Variants in BNC2 observed in about 807,000 individuals in gnomAD.
The protein encoded by BNC2 is zinc finger protein basonuclin-2.
BNC2 carries 20 observed loss-of-function variants against 76.3 expected under a neutral mutation model. The ratio of observed to expected loss-of-function variants is 0.26; its 90% CI spans 0.18 to 0.38. The LOEUF is 0.38. BNC2 is among the 10% of genes least tolerant of loss of function. The pLI is 1.00. For missense variants in BNC2, 1,382 were observed against 1,399.8 expected (o/e 0.99, Z 0.20); for synonymous variants, 582 against 514.8 (o/e 1.13, Z -1.77).
chr9:16,427,590 T>C (rs777627416), intron 6 of BNC2, among the ~76,000 whole-genome samples: 82 of 152,248 alleles, frequency 5.4e-4, no homozygotes, highest in Admixed American at 5.2e-4. Flanking sequence ...AATCAAAATT[T>C]AGAAACTAAT....
chr9:16,725,348 G>A (rs1439736891), intron 3 of BNC2, among the ~76,000 whole-genome samples: 2 of 149,978 alleles, frequency 1.3e-5, no homozygotes, highest in Admixed American at 6.6e-5. Context: ...TTGAACTTAA[G>A]TTATGTAATA....
chr9:16,711,668 T>A (rs887320745), intron 3 of BNC2, among the ~76,000 whole-genome samples: 1 of 152,224 alleles, frequency 6.6e-6, no homozygotes, highest in African/African-American at 2.4e-5. Context: ...GATTGTTGAA[T>A]TACTGAAATG....
intron 3 of BNC2, among the ~76,000 whole-genome samples, chr9:16,696,173 C>A (rs1823332124): frequency 6.6e-6 from 1 of 152,066 alleles, no homozygotes; most frequent in South Asian, 2.1e-4. Flanking sequence ...TGCTATACAC[C>A]ACCCCTCCAA....
At chr9:16,445,823 T>C (rs1482002097) in intron 5 of BNC2, among the ~76,000 whole-genome samples, 4 of 152,218 alleles carry the variant, frequency 2.6e-5, no homozygotes, top group Non-Finnish European at 2.9e-5. Flanking sequence ...ACATTAGAGA[T>C]AGGTGTATAC....
chr9:16,453,614 C>T (rs941470074), intron 5 of BNC2, among the ~76,000 whole-genome samples: 1 of 152,156 alleles, frequency 6.6e-6, no homozygotes, highest in African/African-American at 2.4e-5. Context: ...GGTGCTTTTT[C>T]TAAAGTGCAC....
At chr9:16,423,524 T>C (rs1247679052) in intron 6 of BNC2, among the ~76,000 whole-genome samples, 1 of 152,220 alleles carries the variant, frequency 6.6e-6, no homozygotes, top group Non-Finnish European at 1.5e-5. Context: ...CTCAATCTTA[T>C]GTGTCCTGCA....
intron 3 of BNC2, chr9:16,625,926 G>C (rs1820981770): frequency 6.6e-6 from 1 of 152,234 alleles, no homozygotes; most frequent in African/African-American, 2.4e-5. Context: ...AGTGGAGAAT[G>C]TCTAGCACCT....
chr9:16,417,480 G>GA lies in BNC2; in HGVS notation c.*1508dup, dbSNP rs1311149710. On this transcript the variant is annotated 3_prime_UTR_variant, in exon 7 of 7. Coordinates refer to ENST00000380672, the MANE Select transcript of BNC2 (RefSeq NM_017637.6). ...AAAACCCCCTTCTTCTGGCTTTTCA[G>GA]AAAGGAGTGTTGCTCCATTCAAGTT... The GA allele has an allele frequency of 1.3e-5, 2 of 152,174 alleles. No homozygotes were observed. Among genetic ancestry groups the GA allele is most frequent in the African/African-American group, 4.8e-5 (2 of 41,432 alleles). The allele number at this position is 152,174 out of a possible 1,614,324, so 9.4% of individuals were successfully genotyped here. A position where few individuals can be genotyped will look rare whatever the true frequency, so the allele number is the denominator to read the frequency against.
chr9:16,489,983 A>G (rs1927633), intron 5 of BNC2, among the ~76,000 whole-genome samples: 52,008 of 152,022 alleles, frequency 0.34, 9,582 homozygotes, highest in African/African-American at 0.5. Flanking sequence ...TCCTTCCCTC[A>G]AAAAATTTTT....
At chr9:16,684,631 A>C (rs552244995) in intron 3 of BNC2, among the ~76,000 whole-genome samples, 1 of 152,248 alleles carries the variant, frequency 6.6e-6, no homozygotes, top group African/African-American at 2.4e-5. Flanking sequence ...TCATCTTATA[A>C]GCCTGAAAAT....
intron 1 of BNC2, among the ~76,000 whole-genome samples, chr9:16,777,239 A>G (rs908380428): frequency 1.3e-5 from 2 of 152,190 alleles, no homozygotes; most frequent in Non-Finnish European, 2.9e-5. Flanking sequence ...GCCAAGGTAA[A>G]TGGATGTGGG....
intron 1 of BNC2, among the ~76,000 whole-genome samples, chr9:16,833,335 C>T (rs2136038891): frequency 6.6e-6 from 1 of 152,238 alleles, no homozygotes; most frequent in Middle Eastern, 3.4e-3. Flanking sequence ...AAGCATTTTA[C>T]CAGGATCGTC....
intron 4 of BNC2, among the ~76,000 whole-genome samples, chr9:16,555,664 G>T (rs561797789): frequency 6.6e-6 from 1 of 152,128 alleles, no homozygotes; most frequent in East Asian, 1.9e-4. Context: ...ACATGGTGGC[G>T]CCCACCTGTG....
intron 5 of BNC2, among the ~76,000 whole-genome samples, chr9:16,508,789 C>T (rs1431224063): frequency 1.3e-5 from 2 of 151,132 alleles, no homozygotes; most frequent in Non-Finnish European, 2.9e-5. Context: ...TACTTCTCTA[C>T]TCTTTCCCTC....
chr9:16,612,130 T>C (rs751503326), intron 3 of BNC2, among the ~76,000 whole-genome samples: 19 of 151,198 alleles, frequency 1.3e-4, no homozygotes, highest in Non-Finnish European at 2.7e-4. Flanking sequence ...CAACAAAGTG[T>C]TATATGCAAT....
chr9:16,828,041 A>G (rs1019238094), intron 1 of BNC2, among the ~76,000 whole-genome samples: 4 of 152,232 alleles, frequency 2.6e-5, no homozygotes, highest in African/African-American at 9.6e-5. Context: ...TCTCAGGTCT[A>G]AATTTCCATG....
intron 1 of BNC2, among the ~76,000 whole-genome samples, chr9:16,818,931 C>G (rs1264130118): frequency 6.6e-6 from 1 of 152,114 alleles, no homozygotes. Context: ...TTCTTACATC[C>G]TATCTTAACA....
intron 1 of BNC2, among the ~76,000 whole-genome samples, chr9:16,806,227 G>A (rs1563951633): frequency 6.6e-6 from 1 of 152,182 alleles, no homozygotes; most frequent in Non-Finnish European, 1.5e-5. Context: ...TATAATCCCA[G>A]CGTTCTGGGA....
intron 6 of BNC2, among the ~76,000 whole-genome samples, chr9:16,432,235 C>T (rs910527993): frequency 3.9e-5 from 6 of 152,192 alleles, no homozygotes; most frequent in Admixed American, 3.9e-4. Context: ...GACACTGTTG[C>T]TTGGAATCTT....
Sources: allele counts gnomAD v4.1 joint callset (sites outside exome capture counted in the v4.1 genomes callset), GRCh38; gene constraint gnomAD v4.1.1; transcripts MANE v1.5; gene names NCBI Gene and HGNC (gene_info 2026-07-23, HGNC 2026-07-21).